The following AP1M1 variants were observed in gnomAD, a reference collection of about 807,000 sequenced individuals.
AP1M1 encodes the protein adaptor related protein complex 1 subunit mu 1.
A neutral mutation model predicts 57.1 loss-of-function variants in AP1M1; 18 were observed. The observed-to-expected ratio is 0.32, with a 90% confidence interval of 0.22 to 0.47. The LOEUF (loss-of-function observed/expected upper bound fraction) is 0.47, where lower values mean the gene tolerates loss of function less well. Ranked by LOEUF, AP1M1 falls within the 20% of genes least tolerant of loss-of-function variation. The pLI, the probability that AP1M1 is intolerant of heterozygous loss-of-function variation, is 1.00. For synonymous variants in AP1M1, 241 were observed against 237.9 expected, an observed-to-expected ratio of 1.01 and a Z score of -0.12; for missense variants, 362 against 593.5, an observed-to-expected ratio of 0.61 and a Z score of 4.05.
chr19:16,218,669 G>A (rs146763355), intron 5 of AP1M1, among the ~76,000 whole-genome samples: 9 of 152,244 alleles, frequency 5.9e-5, no homozygotes, highest in Middle Eastern at 6.8e-3. Flanking sequence ...TCCTGGCTGC[G>A]TCTAGTTGGC....
At chr19:16,209,443 G>T (rs538935849) in intron 5 of AP1M1, among the ~76,000 whole-genome samples, 11 of 152,226 alleles carry the variant, frequency 7.2e-5, no homozygotes, top group African/African-American at 2.6e-4. Context: ...CGATTCTCCT[G>T]CCTCAGCCTC....
intron 5 of AP1M1, among the ~76,000 whole-genome samples, chr19:16,219,206 G>A (rs1284934079): frequency 2.0e-5 from 3 of 151,906 alleles, no homozygotes; most frequent in Non-Finnish European, 4.4e-5. Flanking sequence ...TATTGAACCA[G>A]TGTTGCATTC....
At chr19:16,232,740 C>T (rs944050560) in intron 9 of AP1M1, among the ~76,000 whole-genome samples, 2 of 152,348 alleles carry the variant, frequency 1.3e-5, no homozygotes, top group Middle Eastern at 3.4e-3. Flanking sequence ...CACGGAACCT[C>T]GGCCTGAGCC....
chr19:16,235,241 G>A lies in AP1M1; in HGVS notation c.*806G>A, dbSNP rs1467317499. 2 of 152,344 alleles carry A rather than the reference G, an allele frequency of 1.3e-5. No individual in the cohort carries two copies. The highest frequency in any genetic ancestry group is 2.4e-5 in the African/African-American group (1 of 41,450). 9.4% of individuals were successfully genotyped at this position (152,344 alleles called of 1,614,324 possible). On this transcript the variant is annotated 3_prime_UTR_variant, in exon 12 of 12. Transcript: ENST00000291439. ...CAGACTTTTTCCCACTGAGGGTCCA[G>A]AGAGCGGGGCCACGTGTCACCCACG...
chr19:16,205,086 G>C (rs1374562855), intron 2 of AP1M1, among the ~76,000 whole-genome samples: 1 of 152,122 alleles, frequency 6.6e-6, no homozygotes, highest in African/African-American at 2.4e-5. Flanking sequence ...GCCCGCCTCA[G>C]CCTCCCAAAA....
rs562544046 is a variant in AP1M1 at position 16,244,956 on chromosome 19, G to A, written c.*10521G>A. 2 of 152,302 alleles carry A rather than the reference G, an allele frequency of 1.3e-5. No individual in the cohort carries two copies. The highest frequency in any genetic ancestry group is 4.8e-5 in the African/African-American group (2 of 41,494). The allele number at this position is 152,302 out of a possible 1,614,324, so 9.4% of individuals were successfully genotyped here. A position where few individuals can be genotyped will look rare whatever the true frequency, so the allele number is the denominator to read the frequency against. On this transcript the variant is annotated 3_prime_UTR_variant, in exon 12 of 12. Transcript: ENST00000291439. ...CTTGTTGCCCAGGCTGGAGTGCAATGGCGCGGTCTTTGCTCACTGCAACCT... is the reference window on the plus strand; with the variant it reads ...CTTGTTGCCCAGGCTGGAGTGCAATAGCGCGGTCTTTGCTCACTGCAACCT...
chr19:16,213,950 T>TG (rs2091506437), intron 5 of AP1M1, among the ~76,000 whole-genome samples: 1 of 152,238 alleles, frequency 6.6e-6, no homozygotes, highest in South Asian at 2.1e-4. Context: ...TGTTAGCTGT[T>TG]TATTATGCTG....
At chr19:16,198,613 T>C (rs1308443467) in intron 1 of AP1M1, among the ~76,000 whole-genome samples, 1 of 152,094 alleles carries the variant, frequency 6.6e-6, no homozygotes, top group Admixed American at 6.5e-5. Flanking sequence ...GAGTGCCGTT[T>C]TATAGAGGGA....
chr19:16,222,982 G>A (rs1702320065), intron 5 of AP1M1, among the ~76,000 whole-genome samples: 1 of 152,212 alleles, frequency 6.6e-6, no homozygotes, highest in South Asian at 2.1e-4. Flanking sequence ...GACAGTGGTT[G>A]ATTGGGTTTT....
At position 16,239,509 on chromosome 19, in the gene AP1M1, A is replaced by C. The variant is rs1050000165; in HGVS notation, c.*5074A>C. The C allele has an allele frequency of 6.6e-6, 1 of 151,690 alleles. No individual in the cohort carries two copies. 9.4% of individuals were successfully genotyped at this position (151,690 alleles called of 1,614,324 possible). On this transcript the variant is annotated 3_prime_UTR_variant, in exon 12 of 12. Coordinates refer to ENST00000291439, the MANE Select transcript of AP1M1 (RefSeq NM_032493.4). ...AGGAATTAACAACTTGGGGCCGGGC[A>C]TGGTGGCTCACGCCTATAATCCCAG...
intron 5 of AP1M1, among the ~76,000 whole-genome samples, chr19:16,213,437 G>C (rs991309680): frequency 1.3e-5 from 2 of 151,968 alleles, no homozygotes; most frequent in African/African-American, 4.8e-5. Context: ...TATTTGCTTG[G>C]TAGATTTTTC....
rs1341436978 is a variant in AP1M1, at chr19:16,240,219, CTTGAGGATA to C, written c.*5786_*5794del. 6.6e-6 allele frequency: 1 copy of C among 150,556 alleles called. No homozygotes were observed. Among genetic ancestry groups the C allele is most frequent in the African/African-American group, 2.5e-5 (1 of 40,766 alleles). The allele number at this position is 150,556 out of a possible 1,614,324, so 9.3% of individuals were successfully genotyped here. Reference sequence around the variant, plus strand: ...CCAAGGGGAGTCCTGGAAGCAATCCCTTGAGGATATGGAGGGACGACTCTGTGTGTGTGT... The same window carrying C: ...CCAAGGGGAGTCCTGGAAGCAATCCCTGGAGGGACGACTCTGTGTGTGTGT... On this transcript the variant is annotated 3_prime_UTR_variant, in exon 12 of 12. Coordinates refer to ENST00000291439, the MANE Select transcript of AP1M1 (RefSeq NM_032493.4).
chr19:16,234,610 C>G lies in AP1M1; in HGVS notation c.*175C>G. 1.4e-6 allele frequency: 1 copy of G among 708,224 alleles called. No individual in the cohort carries two copies. The highest frequency in any genetic ancestry group is 2.3e-6 in the Non-Finnish European group (1 of 426,588). The allele number at this position is 708,224 out of a possible 1,614,324, so 43.9% of individuals were successfully genotyped here. On this transcript the variant is annotated 3_prime_UTR_variant, in exon 12 of 12. Transcript: ENST00000291439. ...TCTGCTCTGCCGTCGACACTCGTCT[C>G]AGAAGCCCCTTTCCCAGAAGAGGCT...
In AP1M1 at chr19:16,227,781, C is replaced by A. The variant is rs937631377; in HGVS notation, c.816+91C>A. 8 of 1,463,398 alleles carry A rather than the reference C, an allele frequency of 5.5e-6. No individual in the cohort carries two copies. In the African/African-American group the frequency reaches 9.7e-5, roughly 18 times the overall value. 90.7% of individuals were successfully genotyped at this position (1,463,398 alleles called of 1,614,324 possible). On this transcript the variant is annotated intron_variant, in intron 7 of 11. Transcript: ENST00000291439. The surrounding 1 kb of genome is among the most constrained non-coding windows in gnomAD (Gnocchi z 6.2). Reference sequence around the variant, plus strand: ...AAGCCCAGGCAGGCGCCAGGGCCAGCCCCACCCCACGCTCCATGAGCTGCC... The same window carrying A: ...AAGCCCAGGCAGGCGCCAGGGCCAGACCCACCCCACGCTCCATGAGCTGCC...
At chr19:16,213,319 AATACCTTACC>A in intron 5 of AP1M1, among the ~76,000 whole-genome samples, 1 of 152,168 alleles carries the variant, frequency 6.6e-6, no homozygotes, top group Non-Finnish European at 1.5e-5. Flanking sequence ...TGTTGAATTG[AATACCTTACC>A]ATTATGCAAT....
chr19:16,215,734 C>G (rs1447197368), intron 5 of AP1M1, among the ~76,000 whole-genome samples: 1 of 152,156 alleles, frequency 6.6e-6, no homozygotes, highest in South Asian at 2.1e-4. Flanking sequence ...TGGGGAAGTT[C>G]TCATGGATAG....
At chr19:16,230,522 T>G (rs2091591527) in intron 9 of AP1M1, among the ~76,000 whole-genome samples, 1 of 152,078 alleles carries the variant, frequency 6.6e-6, no homozygotes, top group South Asian at 2.1e-4. Context: ...TGCCTCAGCG[T>G]CCTGAGCAGC....
rs2091658637 is a variant in AP1M1, at chr19:16,244,931, C to T, written c.*10496C>T. ...GTTGTTGTTGAGACGGAGTTTCGCT[C>T]TTGTTGCCCAGGCTGGAGTGCAATG... On this transcript the variant is annotated 3_prime_UTR_variant, in exon 12 of 12. Coordinates refer to ENST00000291439, the MANE Select transcript of AP1M1 (RefSeq NM_032493.4). 2.0e-5 allele frequency: 3 copies of T among 147,574 alleles called. No homozygotes were observed. Among genetic ancestry groups the T allele is most frequent in the Non-Finnish European group, 4.5e-5 (3 of 66,190 alleles). The allele number at this position is 147,574 out of a possible 1,614,324, so 9.1% of individuals were successfully genotyped here. A position where few individuals can be genotyped will look rare whatever the true frequency, so the allele number is the denominator to read the frequency against.
At chr19:16,219,009 A>G (rs1212685494) in intron 5 of AP1M1, among the ~76,000 whole-genome samples, 1 of 150,506 alleles carries the variant, frequency 6.6e-6, no homozygotes, top group African/African-American at 2.4e-5. Flanking sequence ...TAGGTTTATT[A>G]TAGGTGTTCT....
Sources: gnomAD v4.1 joint callset for allele counts (sites outside exome capture counted in the v4.1 genomes callset) on GRCh38, gnomAD v4.1.1 for gene constraint, Gnocchi (gnomAD v3.1) non-coding constraint, MANE v1.5 for transcripts, NCBI Gene and HGNC (gene_info 2026-07-23, HGNC 2026-07-21) for gene names.